Variants in MLLT10 observed in about 807,000 individuals in gnomAD.
MLLT10 encodes MLLT10 histone lysine methyltransferase DOT1L cofactor.
Under a neutral mutation model 129.1 loss-of-function variants are expected in MLLT10, and 30 were observed. The ratio of observed to expected loss-of-function variants is 0.23; its 90% CI spans 0.17 to 0.32. The LOEUF (loss-of-function observed/expected upper bound fraction) is 0.32. Among genes scored for constraint, MLLT10 ranks in the 10% least tolerant of loss-of-function variants. The pLI, the probability that MLLT10 is intolerant of heterozygous loss-of-function variation, is 1.00. For synonymous variants in MLLT10, 490 were observed against 446.4 expected, an observed-to-expected ratio of 1.10 and a Z score of -1.23; for missense variants, 1,119 against 1,268.3, an observed-to-expected ratio of 0.88 and a Z score of 1.79.
intron 3 of MLLT10, among the ~76,000 whole-genome samples, chr10:21,556,075 A>G (rs1195375754): frequency 1.3e-5 from 2 of 151,552 alleles, no homozygotes; most frequent in Admixed American, 6.6e-5. Context: ...TCCCGGGTTC[A>G]GGCAATTCTC....
At chr10:21,714,935 T>A (rs1319789241) in intron 14 of MLLT10, among the ~76,000 whole-genome samples, 2 of 152,124 alleles carry the variant, frequency 1.3e-5, no homozygotes, top group African/African-American at 4.8e-5. Flanking sequence ...TACACCCCCC[T>A]TCCCCAAAGA....
chr10:21,536,068 G>A (rs1481558446), intron 2 of MLLT10, among the ~76,000 whole-genome samples: 1 of 152,144 alleles, frequency 6.6e-6, no homozygotes, highest in African/African-American at 2.4e-5. Flanking sequence ...TCAGCTTCTT[G>A]AGTAGCTGGG....
Position 21,673,879 on chromosome 10 carries a change from T to C in MLLT10, c.1581T>C (p.Ser527=). ...QKSPTLLRNG[S]LQSLSVGSSP... Reference sequence around the variant, plus strand: ...CTCCTACATTGCTCAGGAATGGAAGTTTACAGAGCCTCAGTGTTGGCTCAT... The same window carrying C: ...CTCCTACATTGCTCAGGAATGGAAGCTTACAGAGCCTCAGTGTTGGCTCAT... The change falls in exon 11 of 23, where the codon AGT becomes AGC. Residue 527 remains serine, a synonymous_variant. Transcript: ENST00000307729. The C allele has an allele frequency of 2.5e-6, 4 of 1,611,636 alleles. 1 individual carries two copies. In the East Asian group the frequency reaches 8.9e-5, roughly 36 times the overall value.
At chr10:21,610,975 CTTTTTTCTCTTTTT>C (rs1401025065) in intron 5 of MLLT10, among the ~76,000 whole-genome samples, 13 of 108,344 alleles carry the variant, frequency 1.2e-4, no homozygotes, top group Non-Finnish European at 2.1e-5. Flanking sequence ...GTTTTTCTTT[CTTTTTTCTCTTTTT>C]TTTTTTTTTT....
intron 13 of MLLT10, chr10:21,688,358 G>A: frequency 1.4e-6 from 1 of 701,044 alleles, no homozygotes; most frequent in Non-Finnish European, 2.5e-6. Flanking sequence ...GGTTTCATGG[G>A]GATTTTAACC....
chr10:21,627,696 T>G (rs1465489112), intron 8 of MLLT10, among the ~76,000 whole-genome samples: 1 of 152,210 alleles, frequency 6.6e-6, no homozygotes, highest in Non-Finnish European at 1.5e-5. Flanking sequence ...GCCTAGATTT[T>G]ATCTTTCTCT....
intron 11 of MLLT10, among the ~76,000 whole-genome samples, chr10:21,678,488 A>C (rs1448292300): frequency 6.6e-6 from 1 of 152,194 alleles, no homozygotes; most frequent in African/African-American, 2.4e-5. Flanking sequence ...GGAGAGGTTG[A>C]ATTGTACTTT....
chr10:21,726,460 T>C (rs1589843299), intron 15 of MLLT10, 105 bp downstream of exon 15: 1 of 719,128 alleles, frequency 1.4e-6, no homozygotes, highest in East Asian at 2.6e-5. Flanking sequence ...ATGTGGTTAG[T>C]AGAGGATTTG....
Position 21,710,431 on chromosome 10 carries a change from T to C in MLLT10, c.1700-3341T>C, listed in dbSNP as rs776275421. On this transcript the variant is annotated intron_variant, in intron 13 of 22. Coordinates refer to ENST00000307729, the MANE Select transcript of MLLT10 (RefSeq NM_001195626.3). ...CAAATCTTCAGTTTTTCAAGAGATA[T>C]TAGGCATCTAGAGTTCTTAATGGGA... is the stretch of plus-strand genomic sequence containing the variant. 2.6e-5 allele frequency among the ~76,000 whole-genome samples: 4 copies of C among 152,198 alleles called. No homozygotes were observed. The South Asian group carries it at 8.3e-4, about 32-fold the overall frequency.
chr10:21,635,635 G>A (rs1043307959), intron 8 of MLLT10, among the ~76,000 whole-genome samples: 5 of 152,018 alleles, frequency 3.3e-5, no homozygotes, highest in Admixed American at 2.0e-4. Flanking sequence ...CAAAGTGCTG[G>A]GATTACAGGC....
chr10:21,630,800 C>G (rs945979832), intron 8 of MLLT10, among the ~76,000 whole-genome samples: 1 of 152,190 alleles, frequency 6.6e-6, no homozygotes, highest in Non-Finnish European at 1.5e-5. Flanking sequence ...AGATCTTAGA[C>G]TCTTTGTAGT....
chr10:21,543,519 C>G (rs2035567304), intron 3 of MLLT10, among the ~76,000 whole-genome samples: 1 of 151,770 alleles, frequency 6.6e-6, no homozygotes. Context: ...TTCTTGTTGC[C>G]CAGGCTTGGA....
chr10:21,663,351 GTC>G (rs908561093), intron 9 of MLLT10, among the ~76,000 whole-genome samples: 3 of 151,290 alleles, frequency 2.0e-5, no homozygotes, highest in Non-Finnish European at 4.4e-5. Context: ...TAAGTTGTAA[GTC>G]TCTCTGTGCA....
In MLLT10 at chr10:21,742,526, TA is replaced by T. The variant is rs147561617; in HGVS notation, c.*552del. 39 of 214,424 alleles carry T rather than the reference TA, an allele frequency of 1.8e-4. No homozygotes were observed. Among genetic ancestry groups the T allele is most frequent in the East Asian group, 4.2e-4 (6 of 14,268 alleles). The allele number at this position is 214,424 out of a possible 1,614,324, so 13.3% of individuals were successfully genotyped here. On this transcript the variant is annotated 3_prime_UTR_variant, in exon 23 of 23. Coordinates refer to ENST00000307729, the MANE Select transcript of MLLT10 (RefSeq NM_001195626.3). ...TCACCTGGGACTTGGCAATCTTTGT[TA>T]AAAAAAAATTTCCTTTCTAATGGGA... is the stretch of plus-strand genomic sequence containing the variant.
intron 8 of MLLT10, among the ~76,000 whole-genome samples, chr10:21,632,888 A>G (rs2047128813): frequency 6.6e-6 from 1 of 152,200 alleles, no homozygotes; most frequent in African/African-American, 2.4e-5. Context: ...CAAGTAAACT[A>G]TGACACAGCA....
At position 21,740,093 on chromosome 10, in the gene MLLT10, G is replaced by C; in HGVS notation, c.3019G>C (p.Glu1007Gln). The C allele has an allele frequency of 6.2e-7, 1 of 1,613,994 alleles. No homozygotes were observed. Among genetic ancestry groups the C allele is most frequent in the Non-Finnish European group, 8.5e-7 (1 of 1,179,998 alleles). Residue 1007 changes from glutamate (E) to glutamine (Q), a missense_variant, in exon 22 of 23, where the codon GAA (glutamate) becomes CAA (glutamine). By Grantham distance (29) the Glu-to-Gln change is conservative. Around this residue, in one of 5 missense-constraint regions of MLLT10, gnomAD observed 1,004 missense variants for 1,008.7 expected, o/e 1.00. Coordinates refer to ENST00000307729, the MANE Select transcript of MLLT10 (RefSeq NM_001195626.3). ...TCACCACCAGCAGCACCACCAACCT[G>C]AACTTCAGCAGCTGCAGATCCCTGG... ...QHHHQQHHQP[E>Q]LQQLQIPGPT...
At chr10:21,658,189 C>T (rs1305502918) in intron 9 of MLLT10, among the ~76,000 whole-genome samples, 1 of 152,168 alleles carries the variant, frequency 6.6e-6, no homozygotes, top group Non-Finnish European at 1.5e-5. Flanking sequence ...AACATTTTGA[C>T]ATATGTACAC....
At chr10:21,554,476 A>C (rs900250632) in intron 3 of MLLT10, among the ~76,000 whole-genome samples, 3 of 144,808 alleles carry the variant, frequency 2.1e-5, no homozygotes, top group African/African-American at 7.7e-5. Flanking sequence ...TTTTTTTGAG[A>C]TGGAGTCTTG....
chr10:21,729,621 T>G (rs866695639), intron 16 of MLLT10, among the ~76,000 whole-genome samples: 1 of 152,160 alleles, frequency 6.6e-6, no homozygotes, highest in Non-Finnish European at 1.5e-5. Context: ...CTGAGTTGTA[T>G]AGCCCAGCTC....
Sources: gnomAD v4.1 joint callset for allele counts (sites outside exome capture counted in the v4.1 genomes callset) on GRCh38, gnomAD v4.1.1 for gene constraint, gnomAD v4.1.1 regional missense constraint, MANE v1.5 for transcripts, NCBI Gene and HGNC (gene_info 2026-07-23, HGNC 2026-07-21) for gene names.